The following RIMBP2 variants were observed in gnomAD, a reference collection of about 807,000 sequenced individuals.
The protein encoded by RIMBP2 is RIMS-binding protein 2.
Under a neutral mutation model 118.6 loss-of-function variants are expected in RIMBP2, and 48 were observed. That is an observed-to-expected ratio of 0.40 (90% CI 0.32 to 0.51). The LOEUF is 0.51. RIMBP2 is among the 20% of genes least tolerant of loss of function. The probability of loss-of-function intolerance (pLI) is 0.41; values close to 1 mark genes in which losing one functional copy is unlikely to be tolerated. For synonymous variants in RIMBP2, 762 were observed against 742.9 expected, an observed-to-expected ratio of 1.03 and a Z score of -0.42; for missense variants, 1,551 against 1,768.3, an observed-to-expected ratio of 0.88 and a Z score of 2.20.
intron 12 of RIMBP2, among the ~76,000 whole-genome samples, chr12:130,437,971 T>C (rs918340452): frequency 6.6e-6 from 1 of 152,216 alleles, no homozygotes; most frequent in Non-Finnish European, 1.5e-5. Context: ...AGTCAAGGCC[T>C]GGTCACCTGT....
rs201887356 is a variant in RIMBP2, at chr12:130,602,145, C to CA, written c.-217+26176dup. 8.7e-3 allele frequency among the ~76,000 whole-genome samples: 1,323 copies of CA among 152,066 alleles called. 19 individuals are homozygous for CA. The highest frequency in any genetic ancestry group is 0.03 in the African/African-American group (1,265 of 41,500). On this transcript the variant is annotated intron_variant, in intron 2 of 22. Transcript: ENST00000690449. ...AAAACCTCGTCTCTACTAAAAAATA[C>CA]AAAAAAAGAAAAAAGAAATATTTAT...
chr12:130,417,138 T>A (rs2076150632), intron 17 of RIMBP2, among the ~76,000 whole-genome samples: 1 of 152,082 alleles, frequency 6.6e-6, no homozygotes, highest in South Asian at 2.1e-4. Context: ...GTATATACCA[T>A]TGGAGGGAAC....
intron 14 of RIMBP2, chr12:130,432,384 C>T (rs1032281689): frequency 4.5e-6 from 2 of 447,788 alleles, no homozygotes; most frequent in Non-Finnish European, 9.0e-6. Flanking sequence ...TTGTGTTTTG[C>T]GTGTCATGTA....
At position 130,469,135 on chromosome 12, in the gene RIMBP2, A is replaced by G. The variant is rs187446951; in HGVS notation, c.153+1558T>C. ...AAGCACGCCGGGCAGGGAAGATGCT[A>G]TTCTCTAGAATACCTGCATGCTGTC... On this transcript the variant is annotated intron_variant, in intron 6 of 22. Transcript: ENST00000690449. The surrounding 1 kb of genome is among the most constrained non-coding windows in gnomAD (Gnocchi z 4.8). 2.6e-5 allele frequency: 4 copies of G among 152,792 alleles called. No individual in the cohort carries two copies. The highest frequency in any genetic ancestry group is 3.9e-4 in the East Asian group (2 of 5,188). 9.5% of individuals were successfully genotyped at this position (152,792 alleles called of 1,614,324 possible).
chr12:130,423,333 G>A (rs924750577), intron 16 of RIMBP2, among the ~76,000 whole-genome samples: 8 of 152,204 alleles, frequency 5.3e-5, no homozygotes, highest in South Asian at 2.1e-4. Flanking sequence ...TGCCGTGGGC[G>A]GCTGAGTCAC....
intron 3 of RIMBP2, among the ~76,000 whole-genome samples, chr12:130,510,612 G>T (rs905154746): frequency 2.0e-5 from 3 of 152,080 alleles, no homozygotes; most frequent in African/African-American, 7.2e-5. Flanking sequence ...GGGGTTACAG[G>T]TGCACACCAC....
chr12:130,705,240 GC>G (rs2066047173), intron 1 of RIMBP2, among the ~76,000 whole-genome samples: 1 of 152,150 alleles, frequency 6.6e-6, no homozygotes, highest in African/African-American at 2.4e-5. Context: ...CACACCCGAA[GC>G]CCAGGAGAAC....
intron 5 of RIMBP2, among the ~76,000 whole-genome samples, chr12:130,474,543 G>C (rs139119914): frequency 2.2e-4 from 34 of 152,364 alleles, no homozygotes; most frequent in Non-Finnish European, 3.5e-4. Flanking sequence ...GAGCGAGCAG[G>C]CATGTTTTGG....
rs577250527 is a variant in RIMBP2 at position 130,640,747 on chromosome 12, C to T, written c.-351-12291G>A. 3.3e-4 allele frequency among the ~76,000 whole-genome samples: 50 copies of T among 152,286 alleles called. No homozygotes were observed. In the South Asian group the frequency reaches 8.9e-3, roughly 27 times the overall value. On this transcript the variant is annotated intron_variant, in intron 1 of 22. Coordinates refer to ENST00000690449, the MANE Select transcript of RIMBP2 (RefSeq NM_001393629.1). ...GACGTCGGCATCTGGCCCCAGGGAC[C>T]GCACAGCCACTGGGCTTCACCTCTG...
chr12:130,670,593 C>T lies in RIMBP2; in HGVS notation c.-351-42137G>A, dbSNP rs1055930235. On this transcript the variant is annotated intron_variant, in intron 1 of 22. Transcript: ENST00000690449. The surrounding 1 kb of genome is among the most constrained non-coding windows in gnomAD (Gnocchi z 4.9). ...TTACACTTGTTCAGCACCATGAAGC[C>T]GCCAGTCCGACACCCATTCCCAGTA... is the stretch of plus-strand genomic sequence containing the variant. Among the ~76,000 whole-genome samples the T allele has an allele frequency of 3.3e-5, 5 of 151,988 alleles. No homozygotes were observed. The highest frequency in any genetic ancestry group is 3.9e-4 in the East Asian group (2 of 5,166).
intron 1 of RIMBP2, among the ~76,000 whole-genome samples, chr12:130,694,483 T>C (rs10773811): frequency 0.38 from 57,598 of 152,072 alleles, 15,054 homozygotes; most frequent in African/African-American, 0.74. Flanking sequence ...TCTCACCCTG[T>C]CTCATCGCCA....
intron 2 of RIMBP2, among the ~76,000 whole-genome samples, chr12:130,580,028 C>CAAAAAAA (rs55653381): frequency 7.7e-5 from 9 of 116,526 alleles, no homozygotes; most frequent in Admixed American, 9.3e-5. Context: ...ACCAAAAATA[C>CAAAAAAA]AAAAAAAAAA....
rs2051647022 is a variant in RIMBP2 at position 130,517,931 on chromosome 12, A to C, written c.-216-14T>G. 1 of 969,738 alleles carries C rather than the reference A, an allele frequency of 1.0e-6. No homozygotes were observed. The highest frequency in any genetic ancestry group is 1.8e-5 in the African/African-American group (1 of 56,888). 60.1% of individuals were successfully genotyped at this position (969,738 alleles called of 1,614,324 possible). On this transcript the variant is annotated splice_polypyrimidine_tract_variant and intron_variant, in intron 2 of 22. Coordinates refer to ENST00000690449, the MANE Select transcript of RIMBP2 (RefSeq NM_001393629.1). Reference sequence around the variant, plus strand: ...CAGTTCATTTTCCTAGGACAAAAGGAAAGGACATGTGAGATGGTGCCCCCA... The same window carrying C: ...CAGTTCATTTTCCTAGGACAAAAGGCAAGGACATGTGAGATGGTGCCCCCA...
At chr12:130,418,387 T>C (rs61935861) in intron 17 of RIMBP2, among the ~76,000 whole-genome samples, 21,870 of 152,216 alleles carry the variant, frequency 0.14, 1,825 homozygotes, top group Non-Finnish European at 0.2. Context: ...AAGCGCTCCA[T>C]GGCCTCTACA....
At chr12:130,647,255 C>T (rs1457576555) in intron 1 of RIMBP2, among the ~76,000 whole-genome samples, 5 of 152,090 alleles carry the variant, frequency 3.3e-5, no homozygotes, top group African/African-American at 9.7e-5. Flanking sequence ...CCTAGCTACT[C>T]GGGACGCTGA....
chr12:130,681,819 C>A (rs1036531620), intron 1 of RIMBP2, among the ~76,000 whole-genome samples: 1 of 152,126 alleles, frequency 6.6e-6, no homozygotes, highest in African/African-American at 2.4e-5. Context: ...CGCAGCCTCC[C>A]AAGCAGCTGG....
intron 1 of RIMBP2, chr12:130,651,484 G>A (rs1439664819): frequency 6.6e-6 from 1 of 152,256 alleles, no homozygotes. Flanking sequence ...GAGCAGGTGA[G>A]ATGGTCATTC....
intron 2 of RIMBP2, among the ~76,000 whole-genome samples, chr12:130,543,586 T>C (rs560627214): frequency 1.3e-5 from 2 of 151,980 alleles, no homozygotes; most frequent in African/African-American, 4.8e-5. Flanking sequence ...GATTGGGAAA[T>C]ATGAAGATGC....
rs760663820 is a variant in RIMBP2, at chr12:130,517,827, C to A, written c.-127+1G>T. 1.0e-6 allele frequency: 1 copy of A among 984,690 alleles called. No individual in the cohort carries two copies. Among genetic ancestry groups the A allele is most frequent in the Non-Finnish European group, 1.2e-6 (1 of 828,858 alleles). 61.0% of individuals were successfully genotyped at this position (984,690 alleles called of 1,614,324 possible). On this transcript the variant is annotated splice_donor_variant, in intron 3 of 22. Coordinates refer to ENST00000690449, the MANE Select transcript of RIMBP2 (RefSeq NM_001393629.1). LOFTEE classifies it low-confidence loss of function (5UTR_SPLICE). ...GGTCTGTGGACAGTGGTATCAGCTA[C>A]CTTGTCATGCTGCCGGGCCCTTGTG...
Sources: gnomAD v4.1 joint callset for allele counts (sites outside exome capture counted in the v4.1 genomes callset) on GRCh38, gnomAD v4.1.1 for gene constraint, Gnocchi (gnomAD v3.1) non-coding constraint, MANE v1.5 for transcripts, NCBI Gene and HGNC (gene_info 2026-07-23, HGNC 2026-07-21) for gene names.